TRIM44: variants seen among roughly 807,000 people sequenced by gnomAD.
TRIM44 encodes the protein tripartite motif-containing protein 44.
In TRIM44, 13 loss-of-function variants were observed where a neutral mutation model predicts 37.4. That is an observed-to-expected ratio of 0.35 (90% CI 0.23 to 0.55). The LOEUF (loss-of-function observed/expected upper bound fraction) is 0.55, where lower values mean the gene tolerates loss of function less well. Among genes scored for constraint, TRIM44 ranks in the 20% least tolerant of loss-of-function variants. The pLI, the probability that TRIM44 is intolerant of heterozygous loss-of-function variation, is 0.89. For synonymous variants in TRIM44, 175 were observed against 157.2 expected (o/e 1.11, Z -0.85); for missense variants, 426 against 437.2 (o/e 0.97, Z 0.23).
chr11:35,703,165 A>G (rs1008914678), intron 2 of TRIM44, among the ~76,000 whole-genome samples: 1 of 152,228 alleles, frequency 6.6e-6, no homozygotes, highest in Non-Finnish European at 1.5e-5. Flanking sequence ...CTAGCACAGC[A>G]GACTGAGATA....
intron 3 of TRIM44, among the ~76,000 whole-genome samples, chr11:35,732,749 T>C (rs1363652445): frequency 6.6e-6 from 1 of 152,296 alleles, no homozygotes; most frequent in Non-Finnish European, 1.5e-5. Context: ...TAGCTAGGTT[T>C]TTAGAATAGG....
rs545377606 is a variant in TRIM44 at position 35,759,143 on chromosome 11, G to C, written c.1007+23698G>C. 1.8e-4 allele frequency among the ~76,000 whole-genome samples: 28 copies of C among 152,340 alleles called. No individual in the cohort carries two copies. The South Asian group carries it at 5.8e-3, about 32-fold the overall frequency. On this transcript the variant is annotated intron_variant, in intron 4 of 4. Coordinates refer to ENST00000299413, the MANE Select transcript of TRIM44 (RefSeq NM_017583.6). ...CCGTCACTTTCAGGTACACCAGTGA[G>C]ACACAGATTTGGTCTTTTCACATAG...
chr11:35,787,700 G>A (rs1165259265), intron 4 of TRIM44, among the ~76,000 whole-genome samples: 1 of 152,200 alleles, frequency 6.6e-6, no homozygotes, highest in East Asian at 1.9e-4. Context: ...GAAAAGCCAA[G>A]TGTCTGTACC....
chr11:35,725,066 T>TCACACACACA (rs59413888), intron 2 of TRIM44, among the ~76,000 whole-genome samples: 11 of 141,072 alleles, frequency 7.8e-5, no homozygotes, highest in African/African-American at 1.7e-4. Context: ...ATGCACACAC[T>TCACACACACA]CACACACACA....
In TRIM44 at chr11:35,663,699, C is replaced by G. The variant is rs199988558; in HGVS notation, c.588C>G (p.Leu196=). 3 of 1,614,148 alleles carry G rather than the reference C, an allele frequency of 1.9e-6. No homozygotes were observed. Among genetic ancestry groups the G allele is most frequent in the Non-Finnish European group, 2.5e-6 (3 of 1,180,022 alleles). ...LSTYCQEDRQ[L]ICVLCPVIGA... ...CCTATTGCCAGGAAGATAGGCAGCT[C>G]ATCTGTGTCCTGTGTCCAGTCATTG... The change falls in exon 1 of 5, where the codon CTC becomes CTG. Residue 196 remains leucine, a synonymous_variant. Coordinates refer to ENST00000299413, the MANE Select transcript of TRIM44 (RefSeq NM_017583.6).
intron 3 of TRIM44, among the ~76,000 whole-genome samples, chr11:35,733,708 C>T (rs985270589): frequency 2.0e-5 from 3 of 152,142 alleles, no homozygotes; most frequent in Admixed American, 2.0e-4. Flanking sequence ...CTGTACTTTA[C>T]AGGCTTGCAC....
rs576871420 is a variant in TRIM44, at chr11:35,697,354, G to C, written c.747+12018G>C. On this transcript the variant is annotated intron_variant, in intron 2 of 4. Transcript: ENST00000299413. ...TTGTGATAGTTTGCTGAGAATGATG[G>C]TTTCCAGCTGCATCCATGTCCCTAC... is the stretch of plus-strand genomic sequence containing the variant. Among the ~76,000 whole-genome samples the C allele has an allele frequency of 1.4e-3, 209 of 150,842 alleles. No homozygotes were observed. In the Middle Eastern group the frequency reaches 0.017, roughly 12 times the overall value.
At chr11:35,771,773 C>T (rs1238985802) in intron 4 of TRIM44, among the ~76,000 whole-genome samples, 1 of 150,694 alleles carries the variant, frequency 6.6e-6, no homozygotes, top group African/African-American at 2.4e-5. Flanking sequence ...GCAAACAGAA[C>T]ATGAAAGTTT....
In TRIM44 at chr11:35,812,511, A is replaced by G. The variant is rs1024670305; in HGVS notation, c.*6126A>G. ...TTATCATAATAGTAACAGCACCAATACTATCATTCCCCACTTTGTTGCTCA... is the reference window on the plus strand; with the variant it reads ...TTATCATAATAGTAACAGCACCAATGCTATCATTCCCCACTTTGTTGCTCA... On this transcript the variant is annotated 3_prime_UTR_variant, in exon 5 of 5. Transcript: ENST00000299413. 2 of 152,306 alleles carry G rather than the reference A, an allele frequency of 1.3e-5. No individual in the cohort carries two copies. Among genetic ancestry groups the G allele is most frequent in the African/African-American group, 4.8e-5 (2 of 41,568 alleles). The allele number at this position is 152,306 out of a possible 1,614,324, so 9.4% of individuals were successfully genotyped here. A position where few individuals can be genotyped will look rare whatever the true frequency, so the allele number is the denominator to read the frequency against.
rs559972584 is a variant in TRIM44 at position 35,699,209 on chromosome 11, C to T, written c.747+13873C>T. 1.9e-3 allele frequency among the ~76,000 whole-genome samples: 282 copies of T among 152,072 alleles called. 2 individuals carry two copies. Among genetic ancestry groups the T allele is most frequent in the African/African-American group, 6.5e-3 (271 of 41,466 alleles). ...GTAGCCTTGTAGTATAGTTTGAAGT[C>T]AGGTAGCGTGATGCCTCCAGCTTTG... On this transcript the variant is annotated intron_variant, in intron 2 of 4. Coordinates refer to ENST00000299413, the MANE Select transcript of TRIM44 (RefSeq NM_017583.6).
At chr11:35,791,832 A>G (rs1231574959) in intron 4 of TRIM44, among the ~76,000 whole-genome samples, 1 of 152,110 alleles carries the variant, frequency 6.6e-6, no homozygotes, top group African/African-American at 2.4e-5. Flanking sequence ...GAGCTCCTGA[A>G]TGGTAGAGAT....
rs149666052 is a variant in TRIM44, at chr11:35,786,802, T to A, written c.1008-19556T>A. The stretch of plus-strand genomic sequence containing the variant: ...TTAGCGAAAGGTTTCCCAGGCACCA[T>A]GAAGTGTTTTGGCTGCAGCAGGAGA... On this transcript the variant is annotated intron_variant, in intron 4 of 4. Coordinates refer to ENST00000299413, the MANE Select transcript of TRIM44 (RefSeq NM_017583.6). 1.8e-3 allele frequency among the ~76,000 whole-genome samples: 279 copies of A among 152,244 alleles called. 2 individuals carry two copies. The highest frequency in any genetic ancestry group is 6.4e-3 in the African/African-American group (268 of 41,556).
chr11:35,731,446 T>C lies in TRIM44; in HGVS notation c.988-3980T>C, dbSNP rs181722059. 3.5e-3 allele frequency among the ~76,000 whole-genome samples: 532 copies of C among 152,340 alleles called. 15 individuals carry two copies. Among genetic ancestry groups the C allele is most frequent in the Admixed American group, 0.033 (500 of 15,304 alleles). On this transcript the variant is annotated intron_variant, in intron 3 of 4. Transcript: ENST00000299413. ...GAGATAAAGTCCCATTTGGCCATGA[T>C]GTATAATCTGGGTTCAGTTTGCTTA...
intron 2 of TRIM44, among the ~76,000 whole-genome samples, chr11:35,720,864 T>C (rs1276577612): frequency 6.6e-6 from 1 of 152,118 alleles, no homozygotes; most frequent in East Asian, 1.9e-4. Flanking sequence ...GAACCAGTCT[T>C]GCATACTTGG....
At chr11:35,691,746 A>G (rs937434173) in intron 2 of TRIM44, among the ~76,000 whole-genome samples, 5 of 152,056 alleles carry the variant, frequency 3.3e-5, no homozygotes, top group African/African-American at 7.2e-5. Context: ...CCAGGTTCAC[A>G]CCATTCTCCT....
chr11:35,761,935 A>T (rs745311028), intron 4 of TRIM44, among the ~76,000 whole-genome samples: 3 of 152,320 alleles, frequency 2.0e-5, no homozygotes, highest in Non-Finnish European at 2.9e-5. Flanking sequence ...GAGAGAGTAA[A>T]CTGTATTCTC....
rs116756374 is a variant in TRIM44 at position 35,722,745 on chromosome 11, G to A, written c.748-3179G>A. Among the ~76,000 whole-genome samples, 1,410 of 152,184 alleles carry A rather than the reference G, an allele frequency of 9.3e-3. 29 individuals are homozygous for A. The highest frequency in any genetic ancestry group is 0.032 in the African/African-American group (1,327 of 41,518). On this transcript the variant is annotated intron_variant, in intron 2 of 4. Coordinates refer to ENST00000299413, the MANE Select transcript of TRIM44 (RefSeq NM_017583.6). ...GTCTTTATGACCTGTATCTTGTGCC[G>A]ACCTCTTATCTCATCCTAAGAATGC...
At chr11:35,667,619 C>T (rs1003933995) in intron 1 of TRIM44, among the ~76,000 whole-genome samples, 7 of 152,258 alleles carry the variant, frequency 4.6e-5, no homozygotes, top group South Asian at 2.1e-4. Context: ...GCAGTCCTCC[C>T]GCCTCAACCT....
intron 3 of TRIM44, among the ~76,000 whole-genome samples, chr11:35,727,943 A>G (rs1439014734): frequency 6.6e-6 from 1 of 152,242 alleles, no homozygotes; most frequent in Non-Finnish European, 1.5e-5. Flanking sequence ...AATTCAAGGG[A>G]TCGACAGCAT....
Sources: gnomAD v4.1 joint callset for allele counts (sites outside exome capture counted in the v4.1 genomes callset) on GRCh38, gnomAD v4.1.1 for gene constraint, MANE v1.5 for transcripts, NCBI Gene and HGNC (gene_info 2026-07-23, HGNC 2026-07-21) for gene names.